Variants in NCKAP5 observed in about 807,000 individuals in gnomAD.
NCKAP5 encodes nck-associated protein 5.
NCKAP5 carries 92 observed loss-of-function variants against 167.0 expected under a neutral mutation model. The ratio of observed to expected loss-of-function variants is 0.55; its 90% confidence interval spans 0.47 to 0.66. The LOEUF (loss-of-function observed/expected upper bound fraction) is 0.66, where lower values mean the gene tolerates loss of function less well. Ranked by LOEUF, NCKAP5 falls within the 30% of genes least tolerant of loss-of-function variation. The pLI is 0.00. For synonymous variants in NCKAP5, 891 were observed against 877.4 expected, an observed-to-expected ratio of 1.02 and a Z score of -0.27; for missense variants, 2,378 against 2,315.0, an observed-to-expected ratio of 1.03 and a Z score of -0.56.
chr2:133,369,763 T>C (rs1685681103), intron 3 of NCKAP5, among the ~76,000 whole-genome samples: 1 of 152,262 alleles, frequency 6.6e-6, no homozygotes, highest in Non-Finnish European at 1.5e-5. Context: ...TCTAAATGTT[T>C]TCTTTCGATT....
At chr2:133,539,101 C>T (rs983088347) in intron 2 of NCKAP5, among the ~76,000 whole-genome samples, 8 of 151,854 alleles carry the variant, frequency 5.3e-5, no homozygotes, top group South Asian at 2.1e-4. Context: ...CCACCACGCC[C>T]GGCTAATTTT....
chr2:133,240,742 G>C (rs1478015840), intron 4 of NCKAP5, among the ~76,000 whole-genome samples: 1 of 152,158 alleles, frequency 6.6e-6, no homozygotes, highest in Non-Finnish European at 1.5e-5. Flanking sequence ...GCTGGCATAT[G>C]GCAGTTCCAC....
At chr2:133,549,192 A>T (rs1687042176) in intron 2 of NCKAP5, among the ~76,000 whole-genome samples, 1 of 151,706 alleles carries the variant, frequency 6.6e-6, no homozygotes, top group South Asian at 2.1e-4. Context: ...TCCTAAATAT[A>T]TATGCACCCA....
chr2:132,802,376 C>A (rs1245307238), intron 11 of NCKAP5, among the ~76,000 whole-genome samples: 2 of 152,210 alleles, frequency 1.3e-5, no homozygotes, highest in Non-Finnish European at 2.9e-5. Flanking sequence ...GTTTTCAAAT[C>A]ATCTCCACTT....
intron 5 of NCKAP5, among the ~76,000 whole-genome samples, chr2:133,182,767 C>T (rs897245401): frequency 2.6e-5 from 4 of 151,830 alleles, no homozygotes; most frequent in African/African-American, 9.7e-5. Flanking sequence ...AATATAAGAG[C>T]AGAAATCAAT....
the NCKAP5 span, among the ~76,000 whole-genome samples, chr2:133,655,907 T>C: frequency 1.3e-5 from 2 of 152,134 alleles, no homozygotes; most frequent in Non-Finnish European, 2.9e-5. Flanking sequence ...AGAGGGATGG[T>C]ACCATAGCAG....
At chr2:132,780,791 G>T (rs949356668) in intron 15 of NCKAP5, among the ~76,000 whole-genome samples, 1 of 152,286 alleles carries the variant, frequency 6.6e-6, no homozygotes, top group East Asian at 1.9e-4. Context: ...TGGACTCACT[G>T]CGATTATACT....
the NCKAP5 span, among the ~76,000 whole-genome samples, chr2:133,589,430 T>C: frequency 5.3e-5 from 8 of 152,234 alleles, no homozygotes; most frequent in Admixed American, 5.2e-4. Flanking sequence ...CTGTTCTGAA[T>C]AAGTCAGGAT....
At chr2:133,468,938 C>G (rs775703943) in intron 3 of NCKAP5, among the ~76,000 whole-genome samples, 2 of 152,158 alleles carry the variant, frequency 1.3e-5, no homozygotes, top group Non-Finnish European at 2.9e-5. Flanking sequence ...GAATACAGCA[C>G]ACTGATGGGT....
chr2:133,174,383 C>A (rs1393570481), intron 5 of NCKAP5, among the ~76,000 whole-genome samples: 2 of 152,090 alleles, frequency 1.3e-5, no homozygotes, highest in African/African-American at 4.8e-5. Flanking sequence ...CTCTCTACTG[C>A]GAAGTTACTA....
At chr2:133,640,337 C>A in the NCKAP5 span, among the ~76,000 whole-genome samples, 44 of 152,276 alleles carry the variant, frequency 2.9e-4, no homozygotes, top group South Asian at 9.1e-3. Flanking sequence ...AGGAAATTCA[C>A]ATGAGTAGGG....
intron 12 of NCKAP5, among the ~76,000 whole-genome samples, chr2:132,791,176 A>C (rs1684037833): frequency 6.6e-6 from 1 of 152,240 alleles, no homozygotes. Flanking sequence ...TTCTGATGGC[A>C]TCATACTAAG....
At chr2:133,414,135 A>G (rs541776360) in intron 3 of NCKAP5, among the ~76,000 whole-genome samples, 2 of 152,370 alleles carry the variant, frequency 1.3e-5, no homozygotes, top group Admixed American at 6.5e-5. Flanking sequence ...AATTTCTGTC[A>G]TAACTCAGGA....
chr2:133,643,790 C>G, the NCKAP5 span, among the ~76,000 whole-genome samples: 2 of 152,202 alleles, frequency 1.3e-5, no homozygotes, highest in Non-Finnish European at 2.9e-5. Context: ...TGCTCACATT[C>G]TATATGCCCA....
intron 3 of NCKAP5, among the ~76,000 whole-genome samples, chr2:133,353,903 G>C (rs114999892): frequency 0.01 from 1,525 of 152,262 alleles, 19 homozygotes; most frequent in African/African-American, 0.034. Context: ...TTCAAGACCT[G>C]CTTCTTCCAG....
At chr2:132,948,809 G>T (rs1027360219) in intron 8 of NCKAP5, among the ~76,000 whole-genome samples, 2 of 152,138 alleles carry the variant, frequency 1.3e-5, no homozygotes, top group South Asian at 2.1e-4. Context: ...CCTCCACTTT[G>T]GCAGGTAGGT....
chr2:133,042,432 T>C (rs2079246643), intron 6 of NCKAP5, among the ~76,000 whole-genome samples: 2 of 152,198 alleles, frequency 1.3e-5, no homozygotes, highest in African/African-American at 4.8e-5. Flanking sequence ...GTTTGAGATG[T>C]ACTTCCAAAA....
intron 7 of NCKAP5, among the ~76,000 whole-genome samples, chr2:132,979,898 T>C (rs1389465121): frequency 6.6e-6 from 1 of 152,104 alleles, no homozygotes; most frequent in Non-Finnish European, 1.5e-5. Flanking sequence ...ATCACAGCCA[T>C]GAGACCACAG....
chr2:133,645,887 T>C, the NCKAP5 span, among the ~76,000 whole-genome samples: 2 of 151,342 alleles, frequency 1.3e-5, no homozygotes, highest in Non-Finnish European at 2.9e-5. Context: ...AAAGAATGAA[T>C]ACATTTTACC....
Sources: allele counts gnomAD v4.1 joint callset (sites outside exome capture counted in the v4.1 genomes callset), GRCh38; gene constraint gnomAD v4.1.1; transcripts MANE v1.5; gene names NCBI Gene and HGNC (gene_info 2026-07-23, HGNC 2026-07-21).